Variants in CLASP1 observed in about 807,000 individuals in gnomAD.
CLASP1 encodes cytoplasmic linker associated protein 1.
A neutral mutation model predicts 192.3 loss-of-function variants in CLASP1; 38 were observed. The observed-to-expected ratio is 0.20, with a 90% CI of 0.15 to 0.26. The LOEUF is 0.26. Ranked by LOEUF, CLASP1 falls within the 10% of genes least tolerant of loss-of-function variation. The pLI is 1.00. For missense variants in CLASP1, 1,433 were observed against 1,932.5 expected (o/e 0.74, Z 4.85); for synonymous variants, 691 against 712.8 (o/e 0.97, Z 0.49).
intron 2 of CLASP1, among the ~76,000 whole-genome samples, chr2:121,576,374 A>G (rs572077871): frequency 6.6e-6 from 1 of 152,364 alleles, no homozygotes; most frequent in South Asian, 2.1e-4. Flanking sequence ...AAAACACATC[A>G]TCTAGTGAGG....
intron 39 of CLASP1, among the ~76,000 whole-genome samples, chr2:121,345,869 G>A (rs998730525): frequency 6.6e-6 from 1 of 152,250 alleles, no homozygotes; most frequent in East Asian, 1.9e-4. Flanking sequence ...ATTGGCACAT[G>A]TCGGTATAGA....
intron 1 of CLASP1, among the ~76,000 whole-genome samples, chr2:121,609,543 C>G (rs1165190027): frequency 6.6e-6 from 1 of 152,142 alleles, no homozygotes; most frequent in Non-Finnish European, 1.5e-5. Context: ...TTCTACATCT[C>G]TATTTTCAGG....
In CLASP1 at chr2:121,632,988, A is replaced by G. The variant is rs754782218; in HGVS notation, c.-286+16384T>C. On this transcript the variant is annotated intron_variant, in intron 1 of 39. Coordinates refer to ENST00000263710, the Ensembl canonical transcript of CLASP1. ...GAGGTGTGTGTGTGTGTGTGTGTGT[A>G]TATATATGTATGTGTGTGCATATAT... 4.6e-3 allele frequency among the ~76,000 whole-genome samples: 660 copies of G among 144,922 alleles called. 6 individuals are homozygous for G. The highest frequency in any genetic ancestry group is 0.015 in the African/African-American group (541 of 37,088).
At chr2:121,374,966 G>A (rs1180481614) in intron 34 of CLASP1, among the ~76,000 whole-genome samples, 1 of 152,178 alleles carries the variant, frequency 6.6e-6, no homozygotes, top group Non-Finnish European at 1.5e-5. Flanking sequence ...GGACTGTTGG[G>A]AAGGCATGAT....
intron 7 of CLASP1, chr2:121,503,902 T>C (rs2093847295): frequency 1.3e-5 from 2 of 152,106 alleles, no homozygotes; most frequent in African/African-American, 2.4e-5. Flanking sequence ...GGTGGGAGAA[T>C]GCAATCATAA....
exon 9 of CLASP1, chr2:121,469,864 A>T (rs201375216): frequency 6.2e-7 from 1 of 1,613,858 alleles, no homozygotes; most frequent in African/African-American, 1.3e-5. Context: ...TCCCATTCCA[A>T]CGTTTCTCCG....
In CLASP1 at chr2:121,467,349, G is replaced by A. The variant is rs568199505; in HGVS notation, c.865+2459C>T. ...CAATAATGGGACTGCTAGGTCAAAT[G>A]GTAATTCTGCCTCTAGGTCTTTGGG... On this transcript the variant is annotated intron_variant, in intron 9 of 39. Transcript: ENST00000263710. 3.9e-5 allele frequency among the ~76,000 whole-genome samples: 6 copies of A among 152,278 alleles called. No individual in the cohort carries two copies. The South Asian group carries it at 1.2e-3, about 32-fold the overall frequency.
chr2:121,459,163 A>T lies in CLASP1; in HGVS notation c.1179-188T>A, dbSNP rs75325284. On this transcript the variant is annotated intron_variant, in intron 12 of 39. Coordinates refer to ENST00000263710, the Ensembl canonical transcript of CLASP1. ...CAAAAGTTTTGTTGTTTTTTTTTTT[A>T]AAAAAAAACATTTCCAACTAGTCTG... Among the ~76,000 whole-genome samples, 248 of 138,120 alleles carry T rather than the reference A, an allele frequency of 1.8e-3. 2 individuals are homozygous for T. Among genetic ancestry groups the T allele is most frequent in the Middle Eastern group, 7.9e-3 (2 of 252 alleles). The allele number at this position is 138,120 out of a possible 152,430, so 90.6% of individuals were successfully genotyped here. A position where few individuals can be genotyped will look rare whatever the true frequency, so the allele number is the denominator to read the frequency against.
intron 9 of CLASP1, among the ~76,000 whole-genome samples, chr2:121,469,207 C>T (rs1209768705): frequency 2.0e-5 from 3 of 152,120 alleles, no homozygotes; most frequent in Non-Finnish European, 2.9e-5. Flanking sequence ...CACAGAGCTA[C>T]CTCCCGCTGG....
At chr2:121,499,170 C>A (rs2093647084) in intron 8 of CLASP1, among the ~76,000 whole-genome samples, 1 of 152,108 alleles carries the variant, frequency 6.6e-6, no homozygotes, top group Admixed American at 6.5e-5. Context: ...GTGGAACAAC[C>A]CCAAACGTCC....
At chr2:121,478,947 AC>A (rs2092274981) in intron 8 of CLASP1, among the ~76,000 whole-genome samples, 1 of 38,496 alleles carries the variant, frequency 2.6e-5, no homozygotes, top group Non-Finnish European at 5.3e-5. Flanking sequence ...CCCCACACAC[AC>A]ACCACACACA....
At chr2:121,500,837 G>C (rs1304449154) in intron 8 of CLASP1, among the ~76,000 whole-genome samples, 1 of 152,102 alleles carries the variant, frequency 6.6e-6, no homozygotes. Context: ...TTTTGTTAAG[G>C]CTTCCTTACC....
rs182023556 is a variant in CLASP1, at chr2:121,342,019, C to T, written c.4531-1072G>A. Reference sequence around the variant, plus strand: ...AAATAAATCAATAATAGAAGGAAAACGAAAAAAAATCATAAATTTATAAAA... The same window carrying T: ...AAATAAATCAATAATAGAAGGAAAATGAAAAAAAATCATAAATTTATAAAA... On this transcript the variant is annotated intron_variant, in intron 39 of 39. Transcript: ENST00000263710. 3.2e-3 allele frequency among the ~76,000 whole-genome samples: 479 copies of T among 148,914 alleles called. 3 individuals carry two copies. Among genetic ancestry groups the T allele is most frequent in the Middle Eastern group, 0.024 (7 of 292 alleles).
intron 3 of CLASP1, 145 bp downstream of exon 3, chr2:121,530,102 T>G: frequency 1.7e-6 from 1 of 587,598 alleles, no homozygotes; most frequent in Non-Finnish European, 2.8e-6. Flanking sequence ...GGGCGGGGAC[T>G]GGCTGTTTGG....
intron 9 of CLASP1, among the ~76,000 whole-genome samples, chr2:121,464,877 T>C (rs914592823): frequency 3.3e-5 from 5 of 152,232 alleles, no homozygotes; most frequent in African/African-American, 1.2e-4. Flanking sequence ...TTTTGGCTTC[T>C]GTTGCCATTG....
At chr2:121,627,291 TAAAGAAAACAAAA>T (rs1490045731) in intron 1 of CLASP1, among the ~76,000 whole-genome samples, 1 of 152,098 alleles carries the variant, frequency 6.6e-6, no homozygotes, top group Non-Finnish European at 1.5e-5. Flanking sequence ...AATAGGAAGT[TAAAGAAAACAAAA>T]GAAGAAAAAA....
chr2:121,619,241 T>C (rs2066936584), intron 1 of CLASP1, among the ~76,000 whole-genome samples: 1 of 152,228 alleles, frequency 6.6e-6, no homozygotes. Flanking sequence ...ATTGGTTAAC[T>C]TTCAGCTGAT....
At chr2:121,531,521 G>T (rs1010171470) in intron 2 of CLASP1, among the ~76,000 whole-genome samples, 1 of 151,620 alleles carries the variant, frequency 6.6e-6, no homozygotes, top group Non-Finnish European at 1.5e-5. Context: ...CGTGAATCCG[G>T]GGGGGTGGAG....
chr2:121,594,348 C>T (rs901283162), intron 2 of CLASP1, among the ~76,000 whole-genome samples: 1 of 151,518 alleles, frequency 6.6e-6, no homozygotes, highest in African/African-American at 2.4e-5. Context: ...AGCATGACAA[C>T]AGGTGAAATT....
Sources: gnomAD v4.1 joint callset for allele counts (sites outside exome capture counted in the v4.1 genomes callset) on GRCh38, gnomAD v4.1.1 for gene constraint, MANE v1.5 for transcripts, NCBI Gene and HGNC (gene_info 2026-07-23, HGNC 2026-07-21) for gene names.